Variants in MAP4K4 observed in about 807,000 individuals in gnomAD.
MAP4K4 encodes HPK/GCK-like kinase HGK.
MAP4K4 carries 38 observed loss-of-function variants against 189.6 expected under a neutral mutation model. The observed-to-expected ratio is 0.20, with a 90% CI of 0.15 to 0.26. The LOEUF is 0.26. MAP4K4 is among the 10% of genes least tolerant of loss of function. The pLI, the probability that MAP4K4 is intolerant of heterozygous loss-of-function variation, is 1.00. For synonymous variants in MAP4K4, 610 were observed against 624.3 expected, an observed-to-expected ratio of 0.98 and a Z score of 0.34; for missense variants, 1,054 against 1,726.9, an observed-to-expected ratio of 0.61 and a Z score of 6.91.
intron 20 of MAP4K4, 191 bp from the exon 21 acceptor site, chr2:101,867,838 C>T (rs1199186212): frequency 1.8e-6 from 1 of 568,304 alleles, no homozygotes; most frequent in African/African-American, 1.9e-5. Flanking sequence ...CTCTTTTAAT[C>T]CCTCTGATGT....
At chr2:101,856,785 CTCTT>C (rs2097482783) in intron 13 of MAP4K4, among the ~76,000 whole-genome samples, 1 of 152,238 alleles carries the variant, frequency 6.6e-6, no homozygotes, top group South Asian at 2.1e-4. Context: ...TTGAATTGAT[CTCTT>C]TGTTATGAGC....
At position 101,842,482 on chromosome 2, in the gene MAP4K4, A is replaced by G. The variant is rs76144677; in HGVS notation, c.950-127A>G. On this transcript the variant is annotated intron_variant, in intron 10 of 32. Coordinates refer to ENST00000324219, the Ensembl canonical transcript of MAP4K4. ...CTTGCCCCTCCTCCCCAAATCCTCTATACAAGTTGCTGTTTTCACAGGGAA... is the reference window on the plus strand; with the variant it reads ...CTTGCCCCTCCTCCCCAAATCCTCTGTACAAGTTGCTGTTTTCACAGGGAA... 603 of 624,528 alleles carry G rather than the reference A, an allele frequency of 9.7e-4. 2 individuals carry two copies. Among genetic ancestry groups the G allele is most frequent in the African/African-American group, 9.5e-3 (519 of 54,398 alleles). 38.7% of individuals were successfully genotyped at this position (624,528 alleles called of 1,614,324 possible). A position where few individuals can be genotyped will look rare whatever the true frequency, so the allele number is the denominator to read the frequency against.
intron 2 of MAP4K4, among the ~76,000 whole-genome samples, chr2:101,706,349 C>A (rs62155713): frequency 0.12 from 18,075 of 152,170 alleles, 1,383 homozygotes; most frequent in South Asian, 0.19. Flanking sequence ...GTGGGCATAC[C>A]ATAATTTTGG....
chr2:101,869,393 C>T (rs1414012835), intron 21 of MAP4K4, among the ~76,000 whole-genome samples: 1 of 150,940 alleles, frequency 6.6e-6, no homozygotes, highest in East Asian at 1.9e-4. Context: ...CTGTATATGA[C>T]ATCTTTGACT....
At chr2:101,704,124 G>T (rs186819514) in intron 2 of MAP4K4, among the ~76,000 whole-genome samples, 2 of 152,226 alleles carry the variant, frequency 1.3e-5, no homozygotes, top group Non-Finnish European at 2.9e-5. Context: ...TTCTTAATTG[G>T]AGGTAAAGAC....
intron 2 of MAP4K4, among the ~76,000 whole-genome samples, chr2:101,778,344 CCA>C (rs1161564564): frequency 6.6e-5 from 10 of 152,216 alleles, no homozygotes; most frequent in African/African-American, 2.4e-4. Context: ...TGCGGGGTCC[CCA>C]CCTAATCTCC....
intron 2 of MAP4K4, among the ~76,000 whole-genome samples, chr2:101,763,945 G>T (rs2077508410): frequency 6.6e-6 from 1 of 152,136 alleles, no homozygotes; most frequent in South Asian, 2.1e-4. Context: ...TGAGAGGTCA[G>T]GGTGCATGCA....
At chr2:101,886,625 T>G (rs1193110552) in intron 29 of MAP4K4, among the ~76,000 whole-genome samples, 1 of 152,182 alleles carries the variant, frequency 6.6e-6, no homozygotes, top group East Asian at 1.9e-4. Context: ...AGATGCTAAT[T>G]AACAGGCAAA....
intron 2 of MAP4K4, among the ~76,000 whole-genome samples, chr2:101,735,654 C>A (rs576330588): frequency 1.6e-4 from 25 of 152,224 alleles, no homozygotes; most frequent in African/African-American, 5.5e-4. Flanking sequence ...ATTCAGGCTT[C>A]AATCTGAAGC....
At chr2:101,821,049 AAAC>A (rs1252915984) in intron 3 of MAP4K4, among the ~76,000 whole-genome samples, 1 of 152,100 alleles carries the variant, frequency 6.6e-6, no homozygotes, top group Non-Finnish European at 1.5e-5. Context: ...TGGCTAGTCT[AAAC>A]ACTGGTTTTG....
intron 22 of MAP4K4, 129 bp downstream of exon 22, chr2:101,869,926 G>A: frequency 7.9e-7 from 1 of 1,261,292 alleles, no homozygotes; most frequent in Non-Finnish European, 1.1e-6. Flanking sequence ...CGTGGATTCA[G>A]CAGCAGGTCG....
intron 2 of MAP4K4, among the ~76,000 whole-genome samples, chr2:101,729,221 A>G (rs1364586478): frequency 7.0e-6 from 1 of 143,808 alleles, no homozygotes; most frequent in African/African-American, 2.7e-5. Context: ...ATACTCAGAA[A>G]ATATAGTTTT....
At chr2:101,760,777 G>A (rs1336801495) in intron 2 of MAP4K4, among the ~76,000 whole-genome samples, 1 of 152,156 alleles carries the variant, frequency 6.6e-6, no homozygotes, top group Non-Finnish European at 1.5e-5. Flanking sequence ...GCCGAGGTGG[G>A]CGGATCACCT....
chr2:101,700,743 T>C (rs537985248), intron 2 of MAP4K4, among the ~76,000 whole-genome samples: 1 of 152,132 alleles, frequency 6.6e-6, no homozygotes, highest in African/African-American at 2.4e-5. Flanking sequence ...TATTCACTAT[T>C]AACGTTTTCT....
intron 3 of MAP4K4, among the ~76,000 whole-genome samples, chr2:101,800,082 T>C (rs2094210954): frequency 1.3e-5 from 2 of 151,358 alleles, no homozygotes; most frequent in East Asian, 3.9e-4. Flanking sequence ...TTCTAAAGAA[T>C]GCCCCAAGAC....
chr2:101,733,964 G>T lies in MAP4K4; in HGVS notation c.123+35426G>T, dbSNP rs2059454494. 4.6e-5 allele frequency among the ~76,000 whole-genome samples: 7 copies of T among 152,182 alleles called. No homozygotes were observed. The South Asian group carries it at 1.2e-3, about 27-fold the overall frequency. On this transcript the variant is annotated intron_variant, in intron 2 of 32. Coordinates refer to ENST00000324219, the Ensembl canonical transcript of MAP4K4. Reference sequence around the variant, plus strand: ...AGCAGTCCTGACCTCAGAGGTTAGGGGATGAAACTAGGGACCTATCACACT... The same window carrying T: ...AGCAGTCCTGACCTCAGAGGTTAGGTGATGAAACTAGGGACCTATCACACT...
At chr2:101,778,725 G>C (rs1246296459) in intron 2 of MAP4K4, among the ~76,000 whole-genome samples, 1 of 152,192 alleles carries the variant, frequency 6.6e-6, no homozygotes, top group Non-Finnish European at 1.5e-5. Flanking sequence ...GACTGCCCGG[G>C]TGCTTTTTAC....
intron 3 of MAP4K4, among the ~76,000 whole-genome samples, chr2:101,790,999 G>C (rs2092790728): frequency 6.6e-6 from 1 of 152,088 alleles, no homozygotes; most frequent in African/African-American, 2.4e-5. Context: ...CACACGCAGT[G>C]CACACACACA....
In MAP4K4 at chr2:101,834,472, CT is replaced by C. The variant is rs776677349; in HGVS notation, c.694+12del. ...GGCAGAAGGTGCTCCCCGTAAGTAA[CT>C]TTCTTTTCTTTTTAGCTCACTTGTT... is the stretch of plus-strand genomic sequence containing the variant. On this transcript the variant is annotated intron_variant, in intron 8 of 32. Coordinates refer to ENST00000324219, the Ensembl canonical transcript of MAP4K4. The C allele has an allele frequency of 3.2e-5, 52 of 1,600,854 alleles. No homozygotes were observed. In the African/African-American group the frequency reaches 6.8e-4, roughly 21 times the overall value.
Sources: allele counts gnomAD v4.1 joint callset (sites outside exome capture counted in the v4.1 genomes callset), GRCh38; gene constraint gnomAD v4.1.1; transcripts MANE v1.5; gene names NCBI Gene and HGNC (gene_info 2026-07-23, HGNC 2026-07-21).